FAM227B: variants seen among roughly 807,000 people sequenced by gnomAD.
FAM227B encodes the protein family with sequence similarity 227 member B.
FAM227B carries 88 observed loss-of-function variants against 73.8 expected under a neutral mutation model. The observed-to-expected ratio is 1.19, with a 90% CI of 1.00 to 1.42. The LOEUF (loss-of-function observed/expected upper bound fraction) is 1.42, where lower values mean the gene tolerates loss of function less well. FAM227B is among the 40% of genes most tolerant of loss of function. FAM227B has a pLI of 0.00. For missense variants in FAM227B, 632 were observed against 590.9 expected (o/e 1.07, Z -0.72); for synonymous variants, 210 against 190.5 (o/e 1.10, Z -0.84).
intron 11 of FAM227B, among the ~76,000 whole-genome samples, chr15:49,408,646 A>G (rs901527520): frequency 1.3e-5 from 2 of 151,998 alleles, no homozygotes; most frequent in Non-Finnish European, 2.9e-5. Flanking sequence ...CAAATCATTT[A>G]TTTGTTTTTT....
chr15:49,408,484 G>A (rs2048664608), intron 11 of FAM227B, among the ~76,000 whole-genome samples: 1 of 152,160 alleles, frequency 6.6e-6, no homozygotes, highest in South Asian at 2.1e-4. Flanking sequence ...TTTGTAAAGT[G>A]TTCATTGCTC....
At chr15:49,465,539 T>C (rs141897865) in intron 11 of FAM227B, among the ~76,000 whole-genome samples, 15 of 152,074 alleles carry the variant, frequency 9.9e-5, no homozygotes, top group East Asian at 5.8e-4. Flanking sequence ...ATAATATGAG[T>C]GTTGCATGTT....
chr15:49,441,021 A>G (rs1280662480), intron 11 of FAM227B, among the ~76,000 whole-genome samples: 2 of 151,940 alleles, frequency 1.3e-5, no homozygotes, highest in Non-Finnish European at 1.5e-5. Flanking sequence ...TTCAAAGTGT[A>G]AATTACCACC....
rs189368783 is a variant in FAM227B at position 49,329,162 on chromosome 15, G to T, written c.1420-487C>A. The T allele has an allele frequency of 4.1e-6, 4 of 987,302 alleles. No individual in the cohort carries two copies. In the African/African-American group the frequency reaches 7.0e-5, roughly 17 times the overall value. The allele number at this position is 987,302 out of a possible 1,614,324, so 61.2% of individuals were successfully genotyped here. Reference sequence around the variant, plus strand: ...ACCCCATTGTAAAGCAGGTATGCAGGTATGTGGGTGAAAGTGACTATGAAA... The same window carrying T: ...ACCCCATTGTAAAGCAGGTATGCAGTTATGTGGGTGAAAGTGACTATGAAA... On this transcript the variant is annotated intron_variant, in intron 15 of 15. Coordinates refer to ENST00000299338, the MANE Select transcript of FAM227B (RefSeq NM_152647.3).
chr15:49,424,486 T>C lies in FAM227B; in HGVS notation c.1013-53087A>G, dbSNP rs769477922. Reference sequence around the variant, plus strand: ...GTTATGATTACATGGAAGGAGGGGATATAAGAGTGAGAAGACTCTTCTGTC... The same window carrying C: ...GTTATGATTACATGGAAGGAGGGGACATAAGAGTGAGAAGACTCTTCTGTC... On this transcript the variant is annotated intron_variant, in intron 11 of 15. Coordinates refer to ENST00000299338, the MANE Select transcript of FAM227B (RefSeq NM_152647.3). The C allele has an allele frequency of 1.9e-6, 3 of 1,613,420 alleles. No individual in the cohort carries two copies. The Admixed American group carries it at 5.0e-5, about 27-fold the overall frequency.
rs369173998 is a variant in FAM227B, at chr15:49,492,443, TATCTC to T, written c.1012+15763_1012+15767del. 1.5e-4 allele frequency among the ~76,000 whole-genome samples: 23 copies of T among 152,020 alleles called. No homozygotes were observed. The East Asian group carries it at 4.4e-3, about 29-fold the overall frequency. On this transcript the variant is annotated intron_variant, in intron 11 of 15. Transcript: ENST00000299338. ...TATTGTTTTGCTAGGTGGCAGTGCT[TATCTC>T]AATTCAATTTTAAGTTTCTATAGTT...
Position 49,455,466 on chromosome 15 carries a change from C to T in FAM227B, c.1012+52745G>A, listed in dbSNP as rs558158694. On this transcript the variant is annotated intron_variant, in intron 11 of 15. Coordinates refer to ENST00000299338, the MANE Select transcript of FAM227B (RefSeq NM_152647.3). ...CTTAAGTAATAAAATTGTAGTAAGG[C>T]AATGTTAAAAATAATGGGCATGATA... 9.0e-4 allele frequency among the ~76,000 whole-genome samples: 137 copies of T among 152,144 alleles called. 5 individuals carry two copies. The South Asian group carries it at 0.027, about 30-fold the overall frequency.
chr15:49,568,290 T>A lies in FAM227B; in HGVS notation c.702A>T (p.Thr234=). The change falls in exon 9 of 16, where the codon ACA becomes ACT. Residue 234 remains threonine, a synonymous_variant. Coordinates refer to ENST00000299338, the MANE Select transcript of FAM227B (RefSeq NM_152647.3). ...LFDRISESYV[T]LFMSIPLSRK... ...GACTTAGAGGTATGCTCATGAAAAG[T>A]GTCACATAACTTTCTGAAATTCTAT... is the stretch of plus-strand genomic sequence containing the variant. 1 of 1,611,472 alleles carries A rather than the reference T, an allele frequency of 6.2e-7. No homozygotes were observed. Among genetic ancestry groups the A allele is most frequent in the Non-Finnish European group, 8.5e-7 (1 of 1,178,806 alleles).
intron 10 of FAM227B, among the ~76,000 whole-genome samples, chr15:49,537,539 T>G (rs931432785): frequency 2.0e-5 from 3 of 152,106 alleles, no homozygotes; most frequent in Non-Finnish European, 4.4e-5. Flanking sequence ...AGAACTACCA[T>G]GTGACCCAGC....
chr15:49,337,161 CAT>C (rs1359681257), intron 13 of FAM227B, among the ~76,000 whole-genome samples: 10 of 152,148 alleles, frequency 6.6e-5, no homozygotes, highest in African/African-American at 2.2e-4. Flanking sequence ...CATATGAGTA[CAT>C]ATGTCTTTTT....
intron 11 of FAM227B, among the ~76,000 whole-genome samples, chr15:49,493,549 A>G (rs1045813407): frequency 3.9e-5 from 6 of 152,012 alleles, no homozygotes; most frequent in African/African-American, 1.4e-4. Flanking sequence ...CTCCTCTTTA[A>G]TGATTACCAG....
intron 10 of FAM227B, 36 bp from the exon 11 acceptor site, chr15:49,508,384 T>G (rs781589934): frequency 6.6e-7 from 1 of 1,511,676 alleles, no homozygotes; most frequent in African/African-American, 1.4e-5. Flanking sequence ...CCAAATAAAT[T>G]TGGATTTTGA....
At chr15:49,381,997 A>G (rs890326733) in intron 11 of FAM227B, among the ~76,000 whole-genome samples, 1 of 152,136 alleles carries the variant, frequency 6.6e-6, no homozygotes, top group African/African-American at 2.4e-5. Context: ...ATTACAAACT[A>G]AAGATACACA....
intron 13 of FAM227B, among the ~76,000 whole-genome samples, chr15:49,346,218 AC>A: frequency 6.6e-6 from 1 of 152,174 alleles, no homozygotes; most frequent in Admixed American, 6.5e-5. Flanking sequence ...ACTGGTTGAG[AC>A]CACCAGCCCT....
chr15:49,605,491 C>A (rs951649836), intron 3 of FAM227B, among the ~76,000 whole-genome samples: 1 of 152,106 alleles, frequency 6.6e-6, no homozygotes, highest in South Asian at 2.1e-4. Flanking sequence ...TCCACAGGGG[C>A]CAACCTGACA....
In FAM227B at chr15:49,561,349, T is replaced by G. The variant is rs117010700; in HGVS notation, c.747+6896A>C. On this transcript the variant is annotated intron_variant, in intron 9 of 15. Transcript: ENST00000299338. ...TCTTAAATATATACACATCCAATAT[T>G]GAAGCACCCAGATTAATAAAACAAG... 2.0e-3 allele frequency among the ~76,000 whole-genome samples: 307 copies of G among 152,240 alleles called. 8 individuals carry two copies. The East Asian group carries it at 0.054, about 27-fold the overall frequency.
At chr15:49,571,785 C>T (rs1331876870) in intron 8 of FAM227B, among the ~76,000 whole-genome samples, 1 of 151,634 alleles carries the variant, frequency 6.6e-6, no homozygotes, top group Non-Finnish European at 1.5e-5. Context: ...TAGGGTGATA[C>T]TTCAAGCTTT....
chr15:49,413,578 T>C (rs1341468242), intron 11 of FAM227B, among the ~76,000 whole-genome samples: 1 of 152,110 alleles, frequency 6.6e-6, no homozygotes, highest in African/African-American at 2.4e-5. Flanking sequence ...ATTTCAATTA[T>C]GGCCTCCTAA....
intron 11 of FAM227B, among the ~76,000 whole-genome samples, chr15:49,425,695 G>A (rs939276960): frequency 2.0e-5 from 3 of 151,604 alleles, no homozygotes; most frequent in African/African-American, 7.3e-5. Flanking sequence ...CCAATCAATG[G>A]GAATTTCAGA....
Sources: gnomAD v4.1 joint callset for allele counts (sites outside exome capture counted in the v4.1 genomes callset) on GRCh38, gnomAD v4.1.1 for gene constraint, MANE v1.5 for transcripts, NCBI Gene and HGNC (gene_info 2026-07-23, HGNC 2026-07-21) for gene names.